CDH10: variants seen among roughly 807,000 people sequenced by gnomAD.
CDH10 encodes the protein cadherin 10.
Under a neutral mutation model 73.1 loss-of-function variants are expected in CDH10, and 30 were observed. The observed-to-expected ratio is 0.41, with a 90% confidence interval of 0.31 to 0.56. The LOEUF (loss-of-function observed/expected upper bound fraction) is 0.56, where lower values mean the gene tolerates loss of function less well. Ranked by LOEUF, CDH10 falls within the 20% of genes least tolerant of loss-of-function variation. The pLI is 0.27. For missense variants in CDH10, 815 were observed against 973.7 expected, an observed-to-expected ratio of 0.84 and a Z score of 2.17; for synonymous variants, 345 against 348.2, an observed-to-expected ratio of 0.99 and a Z score of 0.10.
chr5:24,619,452 CAAA>C (rs1747237308), intron 1 of CDH10, among the ~76,000 whole-genome samples: 1 of 152,134 alleles, frequency 6.6e-6, no homozygotes, highest in Non-Finnish European at 1.5e-5. Context: ...CTCGGCCTCA[CAAA>C]GTGCTGGGAT....
rs1435521595 is a variant in CDH10, at chr5:24,609,618, T to A, written c.-123-16005A>T. 8 of 152,400 alleles carry A rather than the reference T, an allele frequency of 5.2e-5. No homozygotes were observed. The South Asian group carries it at 1.7e-3, about 32-fold the overall frequency. The allele number at this position is 152,400 out of a possible 1,614,324, so 9.4% of individuals were successfully genotyped here. A position where few individuals can be genotyped will look rare whatever the true frequency, so the allele number is the denominator to read the frequency against. The stretch of plus-strand genomic sequence containing the variant: ...AAGTGTCTATCAAAATGAACGCTTC[T>A]TAAATGATTACAGTATAAGTGTATT... On this transcript the variant is annotated intron_variant, in intron 1 of 11. Coordinates refer to ENST00000264463, the MANE Select transcript of CDH10 (RefSeq NM_006727.5).
chr5:24,563,826 C>CTTTATAAAAATCCCAT (rs1561165864), intron 2 of CDH10, among the ~76,000 whole-genome samples: 2 of 149,956 alleles, frequency 1.3e-5, no homozygotes, highest in East Asian at 4.0e-4. Context: ...AAATATCCCA[C>CTTTATAAAAATCCCAT]TCTTTATAAA....
intron 10 of CDH10, among the ~76,000 whole-genome samples, chr5:24,492,065 T>A (rs949723665): frequency 6.6e-6 from 1 of 152,230 alleles, no homozygotes; most frequent in Non-Finnish European, 1.5e-5. Context: ...AGTACTGTTT[T>A]CAAAGTGGTA....
intron 1 of CDH10, among the ~76,000 whole-genome samples, chr5:24,623,921 C>A (rs867924275): frequency 6.6e-6 from 1 of 152,066 alleles, no homozygotes; most frequent in Non-Finnish European, 1.5e-5. Flanking sequence ...TGTACCTTAT[C>A]TAGTGAGAAA....
intron 5 of CDH10, among the ~76,000 whole-genome samples, chr5:24,524,359 A>T (rs1463440262): frequency 6.6e-6 from 1 of 152,062 alleles, no homozygotes; most frequent in Non-Finnish European, 1.5e-5. Flanking sequence ...TCTTCCTCCA[A>T]GGGTGTTTGA....
chr5:24,624,270 T>C (rs1372874404), intron 1 of CDH10, among the ~76,000 whole-genome samples: 3 of 152,160 alleles, frequency 2.0e-5, no homozygotes, highest in African/African-American at 7.2e-5. Flanking sequence ...GATGCCACCC[T>C]TGAAAGTAAA....
At chr5:24,555,616 C>A (rs2111969587) in intron 2 of CDH10, among the ~76,000 whole-genome samples, 1 of 152,144 alleles carries the variant, frequency 6.6e-6, no homozygotes, top group Middle Eastern at 3.4e-3. Flanking sequence ...GCCCAGGAAA[C>A]CGTCAAGAGA....
intron 2 of CDH10, among the ~76,000 whole-genome samples, chr5:24,573,625 C>T (rs149502621): frequency 0.022 from 3,275 of 148,450 alleles, 119 homozygotes; most frequent in African/African-American, 0.072. Context: ...GGCGTGAACC[C>T]GGGAGGCGGA....
intron 1 of CDH10, among the ~76,000 whole-genome samples, chr5:24,614,917 T>C (rs1269176870): frequency 6.6e-6 from 1 of 152,186 alleles, no homozygotes; most frequent in Non-Finnish European, 1.5e-5. Context: ...CAGTAGCAGA[T>C]GACGATGTAC....
intron 2 of CDH10, among the ~76,000 whole-genome samples, chr5:24,548,334 G>A (rs1561155444): frequency 6.6e-6 from 1 of 151,870 alleles, no homozygotes. Context: ...TGGCCAGGCT[G>A]GTCTTCAAAC....
At chr5:24,583,939 G>A (rs1034422070) in intron 2 of CDH10, among the ~76,000 whole-genome samples, 11 of 152,216 alleles carry the variant, frequency 7.2e-5, no homozygotes, top group South Asian at 2.1e-4. Context: ...CACCGTGCCC[G>A]GCCAAGAATA....
Position 24,549,654 on chromosome 5 carries a change from C to T in CDH10, c.232-11980G>A, listed in dbSNP as rs575276654. ...GCAACCTCCGCCTCCTGGGTTCAAGCGATTCTCCTGCCTCAGCCTCCCGAG... is the reference window on the plus strand; with the variant it reads ...GCAACCTCCGCCTCCTGGGTTCAAGTGATTCTCCTGCCTCAGCCTCCCGAG... On this transcript the variant is annotated intron_variant, in intron 2 of 11. Coordinates refer to ENST00000264463, the MANE Select transcript of CDH10 (RefSeq NM_006727.5). Among the ~76,000 whole-genome samples, 29 of 150,248 alleles carry T rather than the reference C, an allele frequency of 1.9e-4. 1 individual carries two copies. In the South Asian group the frequency reaches 5.1e-3, roughly 26 times the overall value.
intron 10 of CDH10, among the ~76,000 whole-genome samples, chr5:24,492,484 T>C (rs1206423873): frequency 2.0e-5 from 3 of 152,206 alleles, no homozygotes; most frequent in Non-Finnish European, 4.4e-5. Flanking sequence ...CACTGAAGTC[T>C]GCTTAAGAGT....
intron 8 of CDH10, among the ~76,000 whole-genome samples, chr5:24,502,866 G>A (rs1742547808): frequency 6.6e-6 from 1 of 152,066 alleles, no homozygotes; most frequent in Non-Finnish European, 1.5e-5. Flanking sequence ...AGAAATAAAA[G>A]CTTTCCTTAG....
At position 24,509,739 on chromosome 5, in the gene CDH10, G is replaced by A. The variant is rs982093935; in HGVS notation, c.1083C>T (p.Tyr361=). 6.2e-7 allele frequency: 1 copy of A among 1,612,464 alleles called. No individual in the cohort carries two copies. The highest frequency in any genetic ancestry group is 8.5e-7 in the Non-Finnish European group (1 of 1,178,796). ...ENTHVDPRFY[Y]LGPFKDTTIV... ...TGGTAGTATCTTTAAATGGTCCTAG[G>A]TAATAAAAACGGGGATCTACATGGG... Residue 361 remains tyrosine, a synonymous_variant, in exon 7 of 12, where the codon TAC becomes TAT. Coordinates refer to ENST00000264463, the MANE Select transcript of CDH10 (RefSeq NM_006727.5).
chr5:24,643,133 T>A (rs1748109185), intron 1 of CDH10, among the ~76,000 whole-genome samples: 1 of 152,164 alleles, frequency 6.6e-6, no homozygotes. Flanking sequence ...CATTACTTCC[T>A]TATGCATTGC....
Position 24,563,115 on chromosome 5 carries a change from G to A in CDH10, c.232-25441C>T, listed in dbSNP as rs111668488. 8.6e-3 allele frequency among the ~76,000 whole-genome samples: 1,310 copies of A among 152,222 alleles called. 21 individuals are homozygous for A. The highest frequency in any genetic ancestry group is 0.029 in the African/African-American group (1,220 of 41,538). On this transcript the variant is annotated intron_variant, in intron 2 of 11. Transcript: ENST00000264463. ...TACAAATAACCACCTCAAATCATGT[G>A]CTACATTTAGTTGTCTTGACTTTCA...
At chr5:24,628,814 T>G (rs1747598032) in intron 1 of CDH10, among the ~76,000 whole-genome samples, 1 of 149,860 alleles carries the variant, frequency 6.7e-6, no homozygotes, top group Non-Finnish European at 1.5e-5. Context: ...TCTAGAACAC[T>G]TGCCGCCCCC....
At chr5:24,621,146 G>C (rs576449308) in intron 1 of CDH10, among the ~76,000 whole-genome samples, 18 of 152,210 alleles carry the variant, frequency 1.2e-4, no homozygotes, top group African/African-American at 3.9e-4. Context: ...AGCCCTTAGT[G>C]TGCCTCTAAG....
Sources: gnomAD v4.1 joint callset for allele counts (sites outside exome capture counted in the v4.1 genomes callset) on GRCh38, gnomAD v4.1.1 for gene constraint, MANE v1.5 for transcripts, NCBI Gene and HGNC (gene_info 2026-07-23, HGNC 2026-07-21) for gene names.